NETO1: variants seen among roughly 807,000 people sequenced by gnomAD.
The protein encoded by NETO1 is neuropilin and tolloid like 1.
In NETO1, 26 loss-of-function variants were observed where a neutral mutation model predicts 61.3. That is an observed-to-expected ratio of 0.42 (90% CI 0.31 to 0.59). The LOEUF is 0.59. NETO1 is among the 20% of genes least tolerant of loss of function. The pLI is 0.12. For missense variants in NETO1, 531 were observed against 662.8 expected (o/e 0.80, Z 2.18); for synonymous variants, 225 against 225.8 (o/e 1.00, Z 0.03).
intron 4 of NETO1, chr18:72,834,158 A>G (rs2073667733): frequency 1.4e-6 from 1 of 731,076 alleles, no homozygotes; most frequent in East Asian, 1.3e-4. Context: ...TTTTGTTTAA[A>G]AAACATTTTA....
chr18:72,794,893 T>G (rs558110990), intron 4 of NETO1, among the ~76,000 whole-genome samples: 1 of 152,200 alleles, frequency 6.6e-6, no homozygotes, highest in East Asian at 1.9e-4. Flanking sequence ...ACTAGAATAT[T>G]TGAAGCACAA....
chr18:72,750,070 G>A lies in NETO1; in HGVS notation c.1533C>T (p.Ala511=), dbSNP rs770864798. 3 of 1,575,706 alleles carry A rather than the reference G, an allele frequency of 1.9e-6. No homozygotes were observed. Among genetic ancestry groups the A allele is most frequent in the Admixed American group, 3.6e-5 (2 of 56,094 alleles). Residue 511 remains alanine, a synonymous_variant, in exon 9 of 11, where the codon GCC becomes GCT. Transcript: ENST00000327305. The part of the protein sequence containing the change: ...TSHRLSRHDK[A]VQRFCLIGSL... Reference sequence around the variant, plus strand: ...AATCTATTGATACTGACCGCTGGACGGCTTTATCGTGTCTGGACAGCCTGT... The same window carrying A: ...AATCTATTGATACTGACCGCTGGACAGCTTTATCGTGTCTGGACAGCCTGT...
chr18:72,772,662 T>A (rs1318771634), intron 7 of NETO1, among the ~76,000 whole-genome samples: 1 of 151,046 alleles, frequency 6.6e-6, no homozygotes, highest in East Asian at 2.0e-4. Context: ...CTTGGTTCTG[T>A]TCTCTGAGAC....
intron 4 of NETO1, among the ~76,000 whole-genome samples, chr18:72,815,760 A>C (rs994748490): frequency 3.9e-5 from 6 of 152,178 alleles, no homozygotes; most frequent in Non-Finnish European, 8.8e-5. Context: ...TTTTGGACTG[A>C]GTAGGGTTTG....
chr18:72,809,003 G>A (rs2072774796), intron 4 of NETO1, among the ~76,000 whole-genome samples: 2 of 152,210 alleles, frequency 1.3e-5, no homozygotes, highest in African/African-American at 4.8e-5. Context: ...ATGAATTTCT[G>A]TCAGTCTGGA....
intron 4 of NETO1, chr18:72,835,155 G>GC: frequency 7.9e-7 from 1 of 1,273,794 alleles, no homozygotes; most frequent in South Asian, 2.8e-5. Context: ...TGAGCAAACA[G>GC]CATTTTCAAG....
At chr18:72,778,756 GC>G (rs1286847979) in intron 7 of NETO1, among the ~76,000 whole-genome samples, 1 of 152,064 alleles carries the variant, frequency 6.6e-6, no homozygotes, top group Non-Finnish European at 1.5e-5. Flanking sequence ...CCCCTTCTGA[GC>G]CCAGACCAGG....
At chr18:72,757,400 T>A (rs200329450) in intron 7 of NETO1, among the ~76,000 whole-genome samples, 4 of 150,584 alleles carry the variant, frequency 2.7e-5, no homozygotes, top group South Asian at 2.1e-4. Context: ...AGAAATCCTT[T>A]AAAAAAAAAC....
At chr18:72,829,685 G>T (rs181757086) in intron 4 of NETO1, among the ~76,000 whole-genome samples, 5 of 152,198 alleles carry the variant, frequency 3.3e-5, no homozygotes, top group African/African-American at 1.2e-4. Flanking sequence ...TAAACTGAAA[G>T]AATATGGAAT....
intron 4 of NETO1, among the ~76,000 whole-genome samples, chr18:72,821,559 C>A (rs948193743): frequency 8.6e-3 from 744 of 86,620 alleles, no homozygotes; most frequent in South Asian, 0.013. Flanking sequence ...GGGTGAAACT[C>A]AAAAAAAAAA....
chr18:72,855,259 G>C (rs2074381599), intron 4 of NETO1, among the ~76,000 whole-genome samples: 1 of 152,158 alleles, frequency 6.6e-6, no homozygotes, highest in Non-Finnish European at 1.5e-5. Context: ...GTGCTCACAA[G>C]GCTCTGCGCC....
At chr18:72,796,318 A>C (rs928708661) in intron 4 of NETO1, among the ~76,000 whole-genome samples, 1 of 152,160 alleles carries the variant, frequency 6.6e-6, no homozygotes, top group Non-Finnish European at 1.5e-5. Context: ...TTGCTTTGTC[A>C]AACAGTTATG....
intron 4 of NETO1, among the ~76,000 whole-genome samples, chr18:72,819,539 T>C (rs1190160487): frequency 1.3e-5 from 2 of 152,198 alleles, no homozygotes; most frequent in East Asian, 1.9e-4. Flanking sequence ...AAGCATTTAA[T>C]TAATTCTAAT....
chr18:72,770,808 C>A (rs1166309345), intron 7 of NETO1, among the ~76,000 whole-genome samples: 1 of 152,088 alleles, frequency 6.6e-6, no homozygotes, highest in East Asian at 1.9e-4. Flanking sequence ...TTTGGCCTTG[C>A]TTATTCTAGA....
At chr18:72,865,755 G>A in intron 1 of NETO1, 4 of 1,407,514 alleles carry the variant, frequency 2.8e-6, no homozygotes, top group South Asian at 1.4e-5. Context: ...AGGAGAATAA[G>A]CAAGAAACAG....
chr18:72,793,068 G>T lies in NETO1; in HGVS notation c.639+1049C>A, dbSNP rs901601021. 7.9e-5 allele frequency among the ~76,000 whole-genome samples: 12 copies of T among 152,214 alleles called. No individual in the cohort carries two copies. The South Asian group carries it at 2.1e-3, about 26-fold the overall frequency. On this transcript the variant is annotated intron_variant, in intron 6 of 10. Coordinates refer to ENST00000327305, the MANE Select transcript of NETO1 (RefSeq NM_138966.5). ...CTAACCTTACTGCTTAGGTTATTCT[G>T]TTACATATTGGTTTAAGAACTAAAC...
At chr18:72,859,152 G>T in intron 3 of NETO1, 78 bp from the exon 4 acceptor site, 1 of 1,376,248 alleles carries the variant, frequency 7.3e-7, no homozygotes, top group Non-Finnish European at 9.8e-7. Flanking sequence ...TATTTCAGAT[G>T]TTATTTGTAC....
At chr18:72,801,670 G>A (rs1368491172) in intron 4 of NETO1, among the ~76,000 whole-genome samples, 1 of 152,124 alleles carries the variant, frequency 6.6e-6, no homozygotes, top group East Asian at 1.9e-4. Context: ...AATGTTTACT[G>A]AGGTTACACA....
intron 4 of NETO1, among the ~76,000 whole-genome samples, chr18:72,819,294 A>T (rs2073120992): frequency 6.6e-6 from 1 of 152,158 alleles, no homozygotes; most frequent in Admixed American, 6.5e-5. Context: ...ACTGTACCAC[A>T]TTTCATTGGA....
Sources: gnomAD v4.1 joint callset for allele counts (sites outside exome capture counted in the v4.1 genomes callset) on GRCh38, gnomAD v4.1.1 for gene constraint, MANE v1.5 for transcripts, NCBI Gene and HGNC (gene_info 2026-07-23, HGNC 2026-07-21) for gene names.